Variants in VCAN observed in about 807,000 individuals in gnomAD.
The protein encoded by VCAN is versican.
Under a neutral mutation model 245.5 loss-of-function variants are expected in VCAN, and 44 were observed. That is an observed-to-expected ratio of 0.18 (90% confidence interval 0.14 to 0.23). The LOEUF is 0.23. VCAN is among the 10% of genes least tolerant of loss of function. The pLI is 1.00. For missense variants in VCAN, 3,793 were observed against 4,057.9 expected (o/e 0.93, Z 1.77); for synonymous variants, 1,413 against 1,437.0 (o/e 0.98, Z 0.38).
rs771948597 is a variant in VCAN, at chr5:83,520,325, T to G, written c.2019T>G (p.Tyr673Ter). The G allele has an allele frequency of 6.2e-7, 1 of 1,613,696 alleles. No homozygotes were observed. Residue 673 changes from tyrosine (Y) to a stop codon, truncating the protein, a stop_gained, in exon 7 of 15, where the codon TAT becomes TAG. Transcript: ENST00000265077. LOFTEE classifies it high-confidence loss of function. The stretch of plus-strand genomic sequence containing the variant: ...TAGAGGGAATTTCCACAGTTATTTA[T>G]CCTTCTCTACAAACAGAAATGACAC... ...ILVEGISTVIYPSLQTEMTHR... is the reference protein window; with the variant it reads ...ILVEGISTVI
intron 12 of VCAN, 63 bp from the exon 13 acceptor site, chr5:83,572,353 C>T: frequency 8.3e-6 from 13 of 1,573,766 alleles, no homozygotes; most frequent in South Asian, 2.2e-5. Context: ...GATATAATAC[C>T]GTCGTTGCTC....
chr5:83,476,129 T>G (rs1002346395), intron 1 of VCAN, among the ~76,000 whole-genome samples: 2 of 152,152 alleles, frequency 1.3e-5, no homozygotes, highest in African/African-American at 4.8e-5. Flanking sequence ...TGTTCTCTCT[T>G]TTGTTGTATT....
intron 5 of VCAN, among the ~76,000 whole-genome samples, chr5:83,499,942 A>G (rs1479198347): frequency 6.6e-6 from 1 of 152,198 alleles, no homozygotes; most frequent in Non-Finnish European, 1.5e-5. Flanking sequence ...TTAGATAAAC[A>G]TCATCAAGTA....
At chr5:83,497,167 A>G (rs1164902494) in intron 5 of VCAN, among the ~76,000 whole-genome samples, 1 of 152,256 alleles carries the variant, frequency 6.6e-6, no homozygotes, top group Non-Finnish European at 1.5e-5. Flanking sequence ...GTCTGATGAA[A>G]AAGCCAATTA....
At chr5:83,490,062 TA>T (rs777213870) in intron 2 of VCAN, 35 bp from the exon 3 acceptor site, 2 of 1,612,404 alleles carry the variant, frequency 1.2e-6, no homozygotes, top group East Asian at 4.5e-5. Context: ...TTGGGTTTTT[TA>T]AGATTGTTAA....
chr5:83,571,988 G>A (rs575729369), intron 12 of VCAN, among the ~76,000 whole-genome samples: 2 of 152,086 alleles, frequency 1.3e-5, no homozygotes, highest in Non-Finnish European at 2.9e-5. Context: ...CTGAAAATTC[G>A]ATTGAGGTAT....
At position 83,540,531 on chromosome 5, in the gene VCAN, G is replaced by T; in HGVS notation, c.7528G>T (p.Val2510Leu). 6.2e-7 allele frequency: 1 copy of T among 1,613,970 alleles called. No homozygotes were observed. Among genetic ancestry groups the T allele is most frequent in the Non-Finnish European group, 8.5e-7 (1 of 1,179,950 alleles). Reference protein sequence around the residue: ...PDPTSTLSNTVSYERSTDGSF... With the variant: ...PDPTSTLSNTLSYERSTDGSF... ...TCCAACTAGCACACTGTCAAATACA[G>T]TGTCATATGAGAGGTCCACAGACGG... Residue 2510 changes from valine (V) to leucine (L), a missense_variant, in exon 8 of 15, where the codon GTG becomes TTG. This residue lies in a region of VCAN where 3,182 missense variants were observed against 3,250.3 expected (regional missense o/e 0.98). Transcript: ENST00000265077.
At chr5:83,558,096 C>T (rs1747738515) in intron 12 of VCAN, among the ~76,000 whole-genome samples, 1 of 152,156 alleles carries the variant, frequency 6.6e-6, no homozygotes, top group South Asian at 2.1e-4. Context: ...CTCCTGCCCA[C>T]TTTCTTGCTT....
intron 12 of VCAN, among the ~76,000 whole-genome samples, chr5:83,564,225 A>C (rs1331401694): frequency 6.6e-6 from 1 of 152,106 alleles, no homozygotes; most frequent in African/African-American, 2.4e-5. Context: ...GGAGTACATA[A>C]TTACGATTTT....
intron 7 of VCAN, among the ~76,000 whole-genome samples, chr5:83,528,278 G>A (rs140415638): frequency 6.6e-5 from 10 of 152,280 alleles, no homozygotes; most frequent in Non-Finnish European, 1.2e-4. Context: ...GGAGACTTAC[G>A]TCAGTCTCTG....
chr5:83,503,901 C>G (rs1359188751), intron 5 of VCAN, among the ~76,000 whole-genome samples: 1 of 152,174 alleles, frequency 6.6e-6, no homozygotes, highest in Non-Finnish European at 1.5e-5. Context: ...TGAGTATAAA[C>G]TCTAGCTTTT....
At chr5:83,485,849 C>T (rs1375807203) in intron 2 of VCAN, among the ~76,000 whole-genome samples, 1 of 152,092 alleles carries the variant, frequency 6.6e-6, no homozygotes, top group Non-Finnish European at 1.5e-5. Flanking sequence ...CCTGTAATCC[C>T]AGGACTTTGG....
rs1263426952 is a variant in VCAN at position 83,553,296 on chromosome 5, C to T, written c.9494-68C>T. On this transcript the variant is annotated intron_variant, in intron 10 of 14. Coordinates refer to ENST00000265077, the MANE Select transcript of VCAN (RefSeq NM_004385.5). Reference sequence around the variant, plus strand: ...TACTGGCTTGGGTATCCTACTAACACTTGGTTGGGGGTGCCAAGTTTGAAT... The same window carrying T: ...TACTGGCTTGGGTATCCTACTAACATTTGGTTGGGGGTGCCAAGTTTGAAT... The T allele has an allele frequency of 6.9e-6, 11 of 1,602,208 alleles. No homozygotes were observed. In the South Asian group the frequency reaches 1.2e-4, roughly 18 times the overall value.
intron 6 of VCAN, among the ~76,000 whole-genome samples, chr5:83,516,038 C>G (rs913585866): frequency 1.3e-5 from 2 of 152,198 alleles, no homozygotes; most frequent in African/African-American, 2.4e-5. Context: ...CGAGACCATC[C>G]TGGCTAACAC....
chr5:83,580,261 A>G, intron 14 of VCAN, 46 bp from the exon 15 acceptor site: 1 of 1,613,756 alleles, frequency 6.2e-7, no homozygotes, highest in Non-Finnish European at 8.5e-7. Flanking sequence ...GTATGGAGCA[A>G]GTAATATTGT....
At chr5:83,578,353 GAGA>G (rs761733884) in intron 13 of VCAN, among the ~76,000 whole-genome samples, 1 of 151,992 alleles carries the variant, frequency 6.6e-6, no homozygotes, top group Non-Finnish European at 1.5e-5. Context: ...TGGGAGGAGG[GAGA>G]AGATTAGAAA....
intron 3 of VCAN, among the ~76,000 whole-genome samples, chr5:83,491,870 AG>A (rs1327147822): frequency 6.6e-6 from 1 of 152,200 alleles, no homozygotes; most frequent in Non-Finnish European, 1.5e-5. Context: ...GACTATTTGA[AG>A]CTTTGATCAA....
chr5:83,519,759 G>T lies in VCAN; in HGVS notation c.1453G>T (p.Glu485Ter). ...DGVVEDKQTQ[E>*]SVTQIEQIEV... ...TGTCGTGGAAGATAAACAAACACAAGAATCGGTTACACAGATTGAACAAAT... is the reference window on the plus strand; with the variant it reads ...TGTCGTGGAAGATAAACAAACACAATAATCGGTTACACAGATTGAACAAAT... The change falls in exon 7 of 15, where the codon GAA becomes TAA. Residue 485 changes from glutamate to a stop codon, truncating the protein, a stop_gained. Transcript: ENST00000265077. LOFTEE classifies it high-confidence loss of function. 1.2e-6 allele frequency: 2 copies of T among 1,614,128 alleles called. No homozygotes were observed. Among genetic ancestry groups the T allele is most frequent in the Non-Finnish European group, 1.7e-6 (2 of 1,179,976 alleles).
intron 8 of VCAN, among the ~76,000 whole-genome samples, chr5:83,544,767 ATATATT>A (rs1337584983): frequency 2.6e-5 from 4 of 152,146 alleles, no homozygotes; most frequent in Non-Finnish European, 4.4e-5. Context: ...CACTTAGAAA[ATATATT>A]TAAACTGTTT....
Sources: allele counts gnomAD v4.1 joint callset (sites outside exome capture counted in the v4.1 genomes callset), GRCh38; gene constraint gnomAD v4.1.1; regional missense constraint gnomAD v4.1.1; transcripts MANE v1.5; gene names NCBI Gene and HGNC (gene_info 2026-07-23, HGNC 2026-07-21).